Variants in ZNF510 observed in about 807,000 individuals in gnomAD.
The protein encoded by ZNF510 is zinc finger protein 510.
Under a neutral mutation model 18.1 loss-of-function variants are expected in ZNF510, and 15 were observed. The ratio of observed to expected loss-of-function variants is 0.83; its 90% CI spans 0.55 to 1.28. The LOEUF is 1.28. Ranked by LOEUF, ZNF510 falls within the 50% of genes most tolerant of loss-of-function variation. The probability of loss-of-function intolerance (pLI) is 0.00; values close to 1 mark genes in which losing one functional copy is unlikely to be tolerated. For missense variants in ZNF510, 724 were observed against 791.8 expected (o/e 0.91, Z 1.03); for synonymous variants, 261 against 266.4 (o/e 0.98, Z 0.20).
chr9:96,759,176 A>T lies in ZNF510; in HGVS notation c.1654T>A (p.Ser552Thr). The change falls in exon 6 of 6, where the codon TCC becomes ACC. Residue 552 changes from serine (S) to threonine (T), a missense_variant. By Grantham distance (58) the Ser-to-Thr change is moderately conservative. Transcript: ENST00000223428. ...KTYQCNECEKSFWRKDHLIQH... is the reference protein window; with the variant it reads ...KTYQCNECEKTFWRKDHLIQH... The stretch of plus-strand genomic sequence containing the variant: ...ATGAGATGATCTTTTCGCCAGAAGG[A>T]TTTTTCACATTCATTACACTGGTAA... 1 of 1,612,848 alleles carries T rather than the reference A, an allele frequency of 6.2e-7. No homozygotes were observed. Among genetic ancestry groups the T allele is most frequent in the Non-Finnish European group, 8.5e-7 (1 of 1,179,798 alleles).
intron 1 of ZNF510, chr9:96,777,547 G>T (rs3780553): frequency 6.6e-6 from 1 of 152,020 alleles, no homozygotes; most frequent in African/African-American, 2.4e-5. Flanking sequence ...TTAGTAACTA[G>T]CGCTTAGCTA....
chr9:96,763,005 G>A (rs1162969480), intron 5 of ZNF510, 113 bp downstream of exon 5: 7 of 786,272 alleles, frequency 8.9e-6, no homozygotes, highest in Non-Finnish European at 1.5e-5. Context: ...GCTGCTTTTT[G>A]TGCCTTTAGG....
intron 3 of ZNF510, among the ~76,000 whole-genome samples, chr9:96,771,152 C>T (rs10978897): frequency 0.059 from 9,039 of 152,046 alleles, 884 homozygotes; most frequent in African/African-American, 0.2. Context: ...ATAATGTTGA[C>T]GCCAAAACGT....
rs144857469 is a variant in ZNF510, at chr9:96,758,834, T to A, written c.1996A>T (p.Lys666Ter). Residue 666 changes from lysine to a stop codon, truncating the protein, a stop_gained, in exon 6 of 6, where the codon AAG (lysine) becomes TAG (stop). Transcript: ENST00000223428. LOFTEE classifies it low-confidence loss of function (END_TRUNC). Reference sequence around the variant, plus strand: ...TGGTATAAGCTTAGGGTAGACTTCTTACATAATTTCCCATATTCATTGCAT... The same window carrying A: ...TGGTATAAGCTTAGGGTAGACTTCTAACATAATTTCCCATATTCATTGCAT... ...YECNEYGKLC[K>*]KSTLSLYQKI... The A allele has an allele frequency of 1.6e-5, 25 of 1,612,722 alleles. No individual in the cohort carries two copies. The highest frequency in any genetic ancestry group is 1.7e-5 in the Non-Finnish European group (20 of 1,179,192).
Position 96,757,998 on chromosome 9 carries a change from C to T in ZNF510, c.*780G>A, listed in dbSNP as rs756623910. Reference sequence around the variant, plus strand: ...AGAGCAGGAGGGCATGAGACTTCATCCCACTACTCAGAATCGGGTGCAGTT... The same window carrying T: ...AGAGCAGGAGGGCATGAGACTTCATTCCACTACTCAGAATCGGGTGCAGTT... On this transcript the variant is annotated 3_prime_UTR_variant, in exon 6 of 6. Coordinates refer to ENST00000223428, the MANE Select transcript of ZNF510 (RefSeq NM_014930.3). The T allele has an allele frequency of 5.9e-5, 9 of 152,190 alleles. No individual in the cohort carries two copies. The highest frequency in any genetic ancestry group is 1.2e-4 in the Non-Finnish European group (8 of 68,038). 9.4% of individuals were successfully genotyped at this position (152,190 alleles called of 1,614,324 possible). A position where few individuals can be genotyped will look rare whatever the true frequency, so the allele number is the denominator to read the frequency against.
In ZNF510 at chr9:96,774,937, C is replaced by G. The variant is rs193297339; in HGVS notation, c.71-91G>C. 1.6e-4 allele frequency: 180 copies of G among 1,100,122 alleles called. 1 individual carries two copies. Among genetic ancestry groups the G allele is most frequent in the Middle Eastern group, 2.0e-4 (1 of 4,926 alleles). The allele number at this position is 1,100,122 out of a possible 1,614,324, so 68.1% of individuals were successfully genotyped here. On this transcript the variant is annotated intron_variant, in intron 2 of 5. Coordinates refer to ENST00000223428, the MANE Select transcript of ZNF510 (RefSeq NM_014930.3). ...TCACACCAGCTGGGGAAAAAGGCCTCTCTACAAAAAATGTTCCTTTGACCT... is the reference window on the plus strand; with the variant it reads ...TCACACCAGCTGGGGAAAAAGGCCTGTCTACAAAAAATGTTCCTTTGACCT...
chr9:96,771,704 A>G (rs150824092), intron 3 of ZNF510, among the ~76,000 whole-genome samples: 215 of 152,280 alleles, frequency 1.4e-3, no homozygotes, highest in African/African-American at 5.0e-3. Context: ...AATTTTGCAC[A>G]TTTAAAATCC....
intron 5 of ZNF510, among the ~76,000 whole-genome samples, chr9:96,762,222 A>G (rs1312293971): frequency 6.8e-6 from 1 of 147,064 alleles, no homozygotes; most frequent in Admixed American, 6.7e-5. Flanking sequence ...AAAAAAAAAA[A>G]AAAGAGGCCA....
At chr9:96,761,274 T>C (rs1415871317) in intron 5 of ZNF510, among the ~76,000 whole-genome samples, 1 of 152,054 alleles carries the variant, frequency 6.6e-6, no homozygotes, top group Non-Finnish European at 1.5e-5. Flanking sequence ...ACATGAGGGG[T>C]ACAATTTTAA....
At chr9:96,767,243 G>C (rs1158662732) in intron 3 of ZNF510, among the ~76,000 whole-genome samples, 5 of 152,132 alleles carry the variant, frequency 3.3e-5, no homozygotes, top group Non-Finnish European at 7.3e-5. Flanking sequence ...CAGGAGAATT[G>C]CTTGAACCCG....
Position 96,776,201 on chromosome 9 carries a change from G to C in ZNF510, c.-132C>G. Reference sequence around the variant, plus strand: ...GTGAGGAGGTCTCTGTTCTGTCAGAGAGCAGTTCTTCGGTGGGACTCCTGT... The same window carrying C: ...GTGAGGAGGTCTCTGTTCTGTCAGACAGCAGTTCTTCGGTGGGACTCCTGT... On this transcript the variant is annotated 5_prime_UTR_variant, in exon 2 of 6. Coordinates refer to ENST00000223428, the MANE Select transcript of ZNF510 (RefSeq NM_014930.3). 1 of 1,401,062 alleles carries C rather than the reference G, an allele frequency of 7.1e-7. No individual in the cohort carries two copies. Among genetic ancestry groups the C allele is most frequent in the Non-Finnish European group, 9.3e-7 (1 of 1,071,440 alleles). The allele number at this position is 1,401,062 out of a possible 1,614,324, so 86.8% of individuals were successfully genotyped here.
In ZNF510 at chr9:96,757,374, C is replaced by A. The variant is rs1284331422; in HGVS notation, c.*1404G>T. The A allele has an allele frequency of 3.3e-5, 5 of 152,152 alleles. No individual in the cohort carries two copies. The highest frequency in any genetic ancestry group is 6.5e-5 in the Admixed American group (1 of 15,276). The allele number at this position is 152,152 out of a possible 1,614,324, so 9.4% of individuals were successfully genotyped here. ...AAAGACTTTTAGGTTCATGCAAAGC[C>A]CTGTATCAGGTGGTACTATCAATTT... On this transcript the variant is annotated 3_prime_UTR_variant, in exon 6 of 6. Coordinates refer to ENST00000223428, the MANE Select transcript of ZNF510 (RefSeq NM_014930.3).
chr9:96,777,422 C>G (rs1849725427), intron 1 of ZNF510, among the ~76,000 whole-genome samples: 2 of 152,218 alleles, frequency 1.3e-5, no homozygotes, highest in African/African-American at 4.8e-5. Flanking sequence ...CTTTTCACTC[C>G]TCCTTCTTCA....
chr9:96,771,168 G>A (rs374146348), intron 3 of ZNF510, among the ~76,000 whole-genome samples: 6 of 152,214 alleles, frequency 3.9e-5, no homozygotes, highest in African/African-American at 1.4e-4. Context: ...AACGTGACAT[G>A]ACATGACAGA....
At chr9:96,761,845 G>A (rs1036397601) in intron 5 of ZNF510, among the ~76,000 whole-genome samples, 2 of 152,004 alleles carry the variant, frequency 1.3e-5, no homozygotes, top group African/African-American at 4.8e-5. Flanking sequence ...CCATTCTACT[G>A]TTGATGAGCA....
intron 3 of ZNF510, among the ~76,000 whole-genome samples, chr9:96,764,717 A>G (rs1197408520): frequency 6.6e-6 from 1 of 152,218 alleles, no homozygotes; most frequent in Non-Finnish European, 1.5e-5. Context: ...ATTGAAAGTA[A>G]AAGGATGGAA....
Position 96,759,177 on chromosome 9 carries a change from T to C in ZNF510, c.1653A>G (p.Lys551=), listed in dbSNP as rs766612148. ...EKTYQCNECE[K]SFWRKDHLIQ... Reference sequence around the variant, plus strand: ...TGAGATGATCTTTTCGCCAGAAGGATTTTTCACATTCATTACACTGGTAAG... The same window carrying C: ...TGAGATGATCTTTTCGCCAGAAGGACTTTTCACATTCATTACACTGGTAAG... The change falls in exon 6 of 6, where the codon AAA becomes AAG. Residue 551 remains lysine (K), a synonymous_variant. Coordinates refer to ENST00000223428, the MANE Select transcript of ZNF510 (RefSeq NM_014930.3). 66 of 1,613,790 alleles carry C rather than the reference T, an allele frequency of 4.1e-5. No individual in the cohort carries two copies. The Admixed American group carries it at 1.1e-3, about 26-fold the overall frequency.
rs544721963 is a variant in ZNF510 at position 96,758,157 on chromosome 9, A to T, written c.*621T>A. The T allele has an allele frequency of 1.3e-5, 2 of 152,266 alleles. No individual in the cohort carries two copies. Among genetic ancestry groups the T allele is most frequent in the Admixed American group, 6.5e-5 (1 of 15,284 alleles). The allele number at this position is 152,266 out of a possible 1,614,324, so 9.4% of individuals were successfully genotyped here. ...CTGTATAAGCTTAAATTTTGCTCAC[A>T]TAATGTTCAACTGGGAAAGACACAG... On this transcript the variant is annotated 3_prime_UTR_variant, in exon 6 of 6. Coordinates refer to ENST00000223428, the MANE Select transcript of ZNF510 (RefSeq NM_014930.3).
chr9:96,776,444 G>T (rs1405503254), intron 1 of ZNF510, among the ~76,000 whole-genome samples, 199 bp from the exon 2 acceptor site: 11 of 152,108 alleles, frequency 7.2e-5, no homozygotes, highest in Non-Finnish European at 1.5e-5. Context: ...ACATGCACTA[G>T]ACACTAGGAC....
Sources: gnomAD v4.1 joint callset for allele counts (sites outside exome capture counted in the v4.1 genomes callset) on GRCh38, gnomAD v4.1.1 for gene constraint, MANE v1.5 for transcripts, NCBI Gene and HGNC (gene_info 2026-07-23, HGNC 2026-07-21) for gene names.